CAPN11: variants seen among roughly 807,000 people sequenced by gnomAD.
CAPN11 encodes calpain-11.
A neutral mutation model predicts 105.3 loss-of-function variants in CAPN11; 108 were observed. That is an observed-to-expected ratio of 1.03 (90% CI 0.88 to 1.20). The LOEUF (loss-of-function observed/expected upper bound fraction) is 1.20, where lower values mean the gene tolerates loss of function less well. Ranked by LOEUF, CAPN11 falls within the 50% of genes most tolerant of loss-of-function variation. CAPN11 has a pLI of 0.00. For synonymous variants in CAPN11, 329 were observed against 344.5 expected (o/e 0.96, Z 0.50); for missense variants, 883 against 924.8 (o/e 0.95, Z 0.59).
intron 12 of CAPN11, among the ~76,000 whole-genome samples, chr6:44,178,214 G>A (rs1296216110): frequency 2.0e-5 from 3 of 152,116 alleles, no homozygotes; most frequent in East Asian, 1.9e-4. Context: ...AGGAGCCTGC[G>A]GGCCAGAGAC....
chr6:44,171,371 C>T (rs1329308251), intron 4 of CAPN11, among the ~76,000 whole-genome samples: 1 of 152,178 alleles, frequency 6.6e-6, no homozygotes, highest in African/African-American at 2.4e-5. Flanking sequence ...CTCCAGGGAC[C>T]CTGCTGGGGC....
rs749753969 is a variant in CAPN11, at chr6:44,180,661, A to C, written c.1745A>C (p.Glu582Ala). ...CATTTGTTTAAGATAGTGGCAGGAGAGGTGAGCAGGCCACGAGCGGAGGGC... is the reference window on the plus strand; with the variant it reads ...CATTTGTTTAAGATAGTGGCAGGAGCGGTGAGCAGGCCACGAGCGGAGGGC... Reference protein sequence around the residue: ...FLHLFKIVAGEGKEIGVYELQ... With the variant: ...FLHLFKIVAGAGKEIGVYELQ... The change falls in exon 16 of 23, where the codon GAG becomes GCG. Residue 582 changes from glutamate (E) to alanine (A), a missense_variant and splice_region_variant. Physicochemically the swap from Glu to Ala is moderately radical, Grantham distance 107. Transcript: ENST00000398776. The C allele has an allele frequency of 1.9e-6, 3 of 1,612,574 alleles. No homozygotes were observed. The highest frequency in any genetic ancestry group is 2.5e-6 in the Non-Finnish European group (3 of 1,179,684).
At chr6:44,172,221 C>T (rs892675178) in intron 4 of CAPN11, 81 bp from the exon 5 acceptor site, 9 of 871,442 alleles carry the variant, frequency 1.0e-5, no homozygotes, top group Non-Finnish European at 1.4e-5. Flanking sequence ...CAAGTTCCTG[C>T]TCCCCTAGGC....
At position 44,169,328 on chromosome 6, in the gene CAPN11, C is replaced by A; in HGVS notation, c.136C>A (p.Arg46=). 6.2e-7 allele frequency: 1 copy of A among 1,613,754 alleles called. No homozygotes were observed. The highest frequency in any genetic ancestry group is 8.5e-7 in the Non-Finnish European group (1 of 1,179,754). ...TGMVAHINNS[R]LKAKGVGQHD... ...AATGGTGGCTCACATAAACAACAGC[C>A]GGCTCAAGGCCAAGGGCGTGGGCCA... The change falls in exon 3 of 23, where the codon CGG becomes AGG. Residue 46 remains arginine (R), a synonymous_variant. Coordinates refer to ENST00000398776, the MANE Select transcript of CAPN11 (RefSeq NM_007058.4).
intron 1 of CAPN11, among the ~76,000 whole-genome samples, chr6:44,160,389 G>A (rs943968323): frequency 2.3e-4 from 35 of 152,328 alleles, no homozygotes; most frequent in African/African-American, 6.5e-4. Context: ...AGGCCGTGGC[G>A]GGCAGATCAC....
chr6:44,177,496 T>A, intron 12 of CAPN11, 76 bp downstream of exon 12: 1 of 1,221,752 alleles, frequency 8.2e-7, no homozygotes, highest in Non-Finnish European at 1.1e-6. Context: ...TTCTTTCTTT[T>A]TTTTTTTTCG....
Position 44,172,323 on chromosome 6 carries a change from C to CCGG in CAPN11, c.432_433insGGC (p.Ala144_Ile145insGly), listed in dbSNP as rs1458574877. On this transcript the variant is annotated inframe_insertion, in exon 5 of 23. Coordinates refer to ENST00000398776, the MANE Select transcript of CAPN11 (RefSeq NM_007058.4). ...CCAGGGGACTGCTGGCTGCTGGCTGCCATCGGCTCCCTTACCACCTGCCCC... is the reference window on the plus strand; with the variant it reads ...CCAGGGGACTGCTGGCTGCTGGCTGCCGGCATCGGCTCCCTTACCACCTGCCCC... The CCGG allele has an allele frequency of 6.4e-7, 1 of 1,556,634 alleles. No homozygotes were observed. Among genetic ancestry groups the CCGG allele is most frequent in the African/African-American group, 1.4e-5 (1 of 73,272 alleles).
intron 9 of CAPN11, 26 bp from the exon 10 acceptor site, chr6:44,176,555 C>T: frequency 6.2e-7 from 1 of 1,607,456 alleles, no homozygotes; most frequent in South Asian, 1.1e-5. Flanking sequence ...CCGCCCCTCT[C>T]CTTCCACCGC....
At position 44,169,295 on chromosome 6, in the gene CAPN11, G is replaced by T. The variant is rs375044011; in HGVS notation, c.103G>T (p.Asp35Tyr). The T allele has an allele frequency of 1.1e-5, 17 of 1,607,438 alleles. No individual in the cohort carries two copies. The highest frequency in any genetic ancestry group is 1.4e-5 in the Non-Finnish European group (17 of 1,177,580). ...TTCTTAAGCAGAGCCCACTTTTACTGATACGGGAATGGTGGCTCACATAAA... is the reference window on the plus strand; with the variant it reads ...TTCTTAAGCAGAGCCCACTTTTACTTATACGGGAATGGTGGCTCACATAAA... ...RGSCAEPTFT[D>Y]TGMVAHINNS... Residue 35 changes from aspartate to tyrosine, a missense_variant, in exon 3 of 23, where the codon GAT becomes TAT. Coordinates refer to ENST00000398776, the MANE Select transcript of CAPN11 (RefSeq NM_007058.4).
chr6:44,178,048 A>G (rs534078444), intron 12 of CAPN11, among the ~76,000 whole-genome samples: 36 of 152,192 alleles, frequency 2.4e-4, no homozygotes, highest in African/African-American at 7.0e-4. Flanking sequence ...ATAGGGTCTC[A>G]CTATGTTGCC....
chr6:44,178,855 C>T (rs1161897240), intron 12 of CAPN11, among the ~76,000 whole-genome samples: 1 of 151,582 alleles, frequency 6.6e-6, no homozygotes, highest in African/African-American at 2.4e-5. Context: ...CTCAGGAGGT[C>T]GAAGCTGCGG....
intron 1 of CAPN11, among the ~76,000 whole-genome samples, chr6:44,160,531 A>G (rs989504704): frequency 2.0e-5 from 3 of 151,936 alleles, no homozygotes; most frequent in Non-Finnish European, 4.4e-5. Context: ...GCAGGAGAAT[A>G]GCGTGAACCC....
At chr6:44,170,009 G>A (rs764350955) in intron 4 of CAPN11, 34 bp downstream of exon 4, 3 of 1,556,900 alleles carry the variant, frequency 1.9e-6, no homozygotes, top group Middle Eastern at 1.7e-4. Flanking sequence ...TCTCCACCTG[G>A]GCAAGAGGAT....
At position 44,177,549 on chromosome 6, in the gene CAPN11, A is replaced by G. The variant is rs1772316838; in HGVS notation, c.1416+129A>G. ...GTTGCCCAGGCTGGAGTGCAGTGGCACAATCTCCATTCACTGCAACCTCAG... is the reference window on the plus strand; with the variant it reads ...GTTGCCCAGGCTGGAGTGCAGTGGCGCAATCTCCATTCACTGCAACCTCAG... On this transcript the variant is annotated intron_variant, in intron 12 of 22. Coordinates refer to ENST00000398776, the MANE Select transcript of CAPN11 (RefSeq NM_007058.4). 3.6e-6 allele frequency: 3 copies of G among 832,116 alleles called. No individual in the cohort carries two copies. In the Admixed American group the frequency reaches 8.1e-5, roughly 23 times the overall value. 51.5% of individuals were successfully genotyped at this position (832,116 alleles called of 1,614,324 possible).
rs1443283297 is a variant in CAPN11 at position 44,173,437 on chromosome 6, C to CA, written c.831+52dup. ...GGGCCTTTGCACCTGCTGTTGCTGT[C>CA]ACCCAAAAGGCTCTTCCCCCAGTAT... On this transcript the variant is annotated intron_variant, in intron 7 of 22. Transcript: ENST00000398776. The CA allele has an allele frequency of 1.2e-4, 155 of 1,240,364 alleles. No individual in the cohort carries two copies. The Admixed American group carries it at 3.1e-3, about 25-fold the overall frequency. The allele number at this position is 1,240,364 out of a possible 1,614,324, so 76.8% of individuals were successfully genotyped here. A position where few individuals can be genotyped will look rare whatever the true frequency, so the allele number is the denominator to read the frequency against.
At chr6:44,174,515 CAAAAAAAA>C (rs66536720) in intron 7 of CAPN11, among the ~76,000 whole-genome samples, 5 of 77,300 alleles carry the variant, frequency 6.5e-5, no homozygotes, top group East Asian at 3.8e-4. Flanking sequence ...TCATCTCTAC[CAAAAAAAA>C]AAAAAAAAAA....
intron 12 of CAPN11, among the ~76,000 whole-genome samples, chr6:44,178,238 C>G (rs1366009349): frequency 6.6e-6 from 1 of 152,066 alleles, no homozygotes; most frequent in East Asian, 1.9e-4. Flanking sequence ...AAGTCACTTG[C>G]CCAAGCTCAC....
chr6:44,172,983 G>C lies in CAPN11; in HGVS notation c.572G>C (p.Arg191Pro), dbSNP rs747176501. 4.3e-6 allele frequency: 7 copies of C among 1,613,122 alleles called. No homozygotes were observed. The South Asian group carries it at 7.7e-5, about 18-fold the overall frequency. The change falls in exon 6 of 23, where the codon CGG becomes CCG. Residue 191 changes from arginine to proline, a missense_variant. Transcript: ENST00000398776. ...TGGGTGAACGTGGTGGTAGATGACC[G>C]GCTGCCCACAAAGAATGACAAGCTG... ...GQWVNVVVDDRLPTKNDKLVF... is the reference protein window; with the variant it reads ...GQWVNVVVDDPLPTKNDKLVF...
Position 44,183,693 on chromosome 6 carries a change from T to A in CAPN11, c.2135-12T>A. ...CATTCAGCCCCTCTCCCCCGCTTCC[T>A]CTGTAACGCAGCATTCTTTCTAACC... On this transcript the variant is annotated splice_polypyrimidine_tract_variant and intron_variant, in intron 21 of 22. Coordinates refer to ENST00000398776, the MANE Select transcript of CAPN11 (RefSeq NM_007058.4). 6.2e-7 allele frequency: 1 copy of A among 1,613,590 alleles called. No individual in the cohort carries two copies. The highest frequency in any genetic ancestry group is 8.5e-7 in the Non-Finnish European group (1 of 1,179,710).
Sources: allele counts gnomAD v4.1 joint callset (sites outside exome capture counted in the v4.1 genomes callset), GRCh38; gene constraint gnomAD v4.1.1; transcripts MANE v1.5; gene names NCBI Gene and HGNC (gene_info 2026-07-23, HGNC 2026-07-21).